The following NAALADL2 variants were observed in gnomAD, a reference collection of about 807,000 sequenced individuals.
NAALADL2 encodes the protein N-acetylated alpha-linked acidic dipeptidase like 2.
NAALADL2 carries 76 observed loss-of-function variants against 87.2 expected under a neutral mutation model. That is an observed-to-expected ratio of 0.87 (90% CI 0.72 to 1.05). The LOEUF is 1.05. Among genes scored for constraint, NAALADL2 ranks in the 50% least tolerant of loss-of-function variants. The pLI, the probability that NAALADL2 is intolerant of heterozygous loss-of-function variation, is 0.00. For synonymous variants in NAALADL2, 354 were observed against 331.0 expected, an observed-to-expected ratio of 1.07 and a Z score of -0.75; for missense variants, 1,089 against 945.8, an observed-to-expected ratio of 1.15 and a Z score of -1.99.
chr3:175,011,003 T>C (rs1749706090), intron 1 of NAALADL2, among the ~76,000 whole-genome samples: 1 of 152,164 alleles, frequency 6.6e-6, no homozygotes, highest in South Asian at 2.1e-4. Flanking sequence ...TAAATCTAGG[T>C]ACTCCTATCA....
intron 5 of NAALADL2, among the ~76,000 whole-genome samples, chr3:175,353,211 T>C (rs1270320199): frequency 1.3e-5 from 2 of 151,964 alleles, no homozygotes; most frequent in Admixed American, 6.6e-5. Context: ...AACTTTGAAT[T>C]AGAATATCAG....
intron 2 of NAALADL2, among the ~76,000 whole-genome samples, chr3:175,221,604 T>A (rs1167885460): frequency 6.6e-6 from 1 of 152,136 alleles, no homozygotes; most frequent in African/African-American, 2.4e-5. Flanking sequence ...TTTTGCTTTA[T>A]AAGTTGTGAA....
rs1029434223 is a variant in NAALADL2 at position 175,059,535 on chromosome 3, C to A, written c.44-37255C>A. 1.9e-5 allele frequency: 5 copies of A among 259,904 alleles called. No individual in the cohort carries two copies. In the South Asian group the frequency reaches 2.0e-4, roughly 10 times the overall value. The allele number at this position is 259,904 out of a possible 1,614,324, so 16.1% of individuals were successfully genotyped here. The stretch of plus-strand genomic sequence containing the variant: ...GAGGAGCCCTAGACTAAGCCGTCTG[C>A]TTGAATGCTTCTAACACATTCCTCT... On this transcript the variant is annotated intron_variant, in intron 1 of 13. Coordinates refer to ENST00000454872, the MANE Select transcript of NAALADL2 (RefSeq NM_207015.3).
At chr3:175,076,402 C>T (rs150931261) in intron 1 of NAALADL2, among the ~76,000 whole-genome samples, 74 of 149,852 alleles carry the variant, frequency 4.9e-4, no homozygotes, top group African/African-American at 1.7e-3. Context: ...GAGACTAAAC[C>T]AGATATGCTC....
At chr3:174,441,988 C>T (rs917777614) in intron 1 of NAALADL2, among the ~76,000 whole-genome samples, 1 of 151,732 alleles carries the variant, frequency 6.6e-6, no homozygotes, top group Non-Finnish European at 1.5e-5. Context: ...TTTAACCACC[C>T]GAGAACCTTA....
At chr3:174,984,690 C>G (rs1054857417) in intron 1 of NAALADL2, among the ~76,000 whole-genome samples, 2 of 151,890 alleles carry the variant, frequency 1.3e-5, no homozygotes, top group African/African-American at 2.4e-5. Flanking sequence ...CTTTAAGCTC[C>G]TGAAATTATG....
intron 13 of NAALADL2, among the ~76,000 whole-genome samples, chr3:175,799,242 AAAT>A (rs143438924): frequency 0.16 from 24,336 of 151,966 alleles, 2,496 homozygotes; most frequent in East Asian, 0.31. Flanking sequence ...TCAAAACTGT[AAAT>A]ATTATGAAAA....
intron 1 of NAALADL2, among the ~76,000 whole-genome samples, chr3:174,537,009 A>C (rs1038291565): frequency 4.9e-4 from 75 of 152,192 alleles, no homozygotes; most frequent in African/African-American, 1.8e-3. Context: ...CAAGTGTCTA[A>C]ATTTATCTTG....
At chr3:175,403,629 G>A (rs980594271) in intron 5 of NAALADL2, among the ~76,000 whole-genome samples, 1 of 152,022 alleles carries the variant, frequency 6.6e-6, no homozygotes. Context: ...TGACAAATTT[G>A]AGTTATTTTG....
chr3:175,712,710 A>G (rs1477146735), intron 11 of NAALADL2, among the ~76,000 whole-genome samples: 1 of 152,094 alleles, frequency 6.6e-6, no homozygotes, highest in Admixed American at 6.6e-5. Flanking sequence ...ACATCAGACA[A>G]TGAATCCATC....
intron 1 of NAALADL2, among the ~76,000 whole-genome samples, chr3:174,482,550 G>T (rs972588166): frequency 5.3e-5 from 8 of 151,950 alleles, no homozygotes; most frequent in East Asian, 1.9e-4. Flanking sequence ...GTTCCTTATT[G>T]AGCCAGCAGT....
intron 4 of NAALADL2, among the ~76,000 whole-genome samples, chr3:175,313,533 A>T (rs1323393886): frequency 1.3e-5 from 2 of 152,134 alleles, no homozygotes; most frequent in African/African-American, 4.8e-5. Context: ...TCTGACCAGC[A>T]AAAGTAAAAA....
chr3:174,698,133 AT>A (rs1423077319), intron 2 of NAALADL2, among the ~76,000 whole-genome samples: 1 of 152,158 alleles, frequency 6.6e-6, no homozygotes, highest in African/African-American at 2.4e-5. Flanking sequence ...ACCGATAAAA[AT>A]AAATGTATTG....
At chr3:174,745,623 G>C (rs978762184) in intron 3 of NAALADL2, among the ~76,000 whole-genome samples, 7 of 152,062 alleles carry the variant, frequency 4.6e-5, no homozygotes, top group African/African-American at 1.2e-4. Flanking sequence ...AAACCTGGTA[G>C]AGATACAACG....
chr3:174,722,077 T>C (rs945576111), intron 2 of NAALADL2, among the ~76,000 whole-genome samples: 1 of 152,178 alleles, frequency 6.6e-6, no homozygotes, highest in Non-Finnish European at 1.5e-5. Context: ...TCCCACACTT[T>C]ACTCCTTCTT....
chr3:175,457,902 T>A (rs577933720), intron 6 of NAALADL2, among the ~76,000 whole-genome samples: 1 of 152,090 alleles, frequency 6.6e-6, no homozygotes, highest in South Asian at 2.1e-4. Context: ...ATGATTTTTT[T>A]AATTTACACA....
At chr3:175,694,260 C>G (rs920716512) in intron 11 of NAALADL2, among the ~76,000 whole-genome samples, 3 of 152,064 alleles carry the variant, frequency 2.0e-5, no homozygotes, top group African/African-American at 7.2e-5. Context: ...GCAGACATAA[C>G]AAACATAACT....
chr3:174,545,799 C>T (rs1722677682), intron 1 of NAALADL2, among the ~76,000 whole-genome samples: 1 of 151,310 alleles, frequency 6.6e-6, no homozygotes, highest in Admixed American at 6.6e-5. Flanking sequence ...TTCCCATTTC[C>T]TTTTGTTTCT....
chr3:175,660,689 C>T (rs920552498), intron 11 of NAALADL2, among the ~76,000 whole-genome samples: 1 of 151,940 alleles, frequency 6.6e-6, no homozygotes, highest in Non-Finnish European at 1.5e-5. Flanking sequence ...CTCTGGTAAC[C>T]ACCATCCTAT....
Sources: gnomAD v4.1 joint callset for allele counts (sites outside exome capture counted in the v4.1 genomes callset) on GRCh38, gnomAD v4.1.1 for gene constraint, MANE v1.5 for transcripts, NCBI Gene and HGNC (gene_info 2026-07-23, HGNC 2026-07-21) for gene names.